The following CORO2B variants were observed in gnomAD, a reference collection of about 807,000 sequenced individuals.
CORO2B encodes the protein coronin-2B.
In CORO2B, 26 loss-of-function variants were observed where a neutral mutation model predicts 58.8. The ratio of observed to expected loss-of-function variants is 0.44; its 90% CI spans 0.32 to 0.61. CORO2B has a LOEUF of 0.61. CORO2B is among the 20% of genes least tolerant of loss of function. The pLI is 0.04. For synonymous variants in CORO2B, 242 were observed against 253.8 expected, an observed-to-expected ratio of 0.95 and a Z score of 0.44; for missense variants, 460 against 645.1, an observed-to-expected ratio of 0.71 and a Z score of 3.11.
intron 2 of CORO2B, among the ~76,000 whole-genome samples, chr15:68,647,868 A>AG (rs1263080418): frequency 6.7e-6 from 1 of 149,728 alleles, no homozygotes; most frequent in Non-Finnish European, 1.5e-5. Flanking sequence ...AAAAAAAAAA[A>AG]AAAGAAAAAA....
chr15:68,538,475 T>G, the CORO2B span, among the ~76,000 whole-genome samples: 1 of 152,202 alleles, frequency 6.6e-6, no homozygotes, highest in Admixed American at 6.5e-5. Context: ...TACCCTGGGC[T>G]GGTGACTGTG....
chr15:68,622,757 A>G (rs1350914991), intron 1 of CORO2B, among the ~76,000 whole-genome samples: 1 of 151,944 alleles, frequency 6.6e-6, no homozygotes, highest in African/African-American at 2.4e-5. Flanking sequence ...GGACCAAGGC[A>G]GACACAGGCT....
intron 2 of CORO2B, among the ~76,000 whole-genome samples, chr15:68,655,137 G>A (rs1422242475): frequency 1.3e-5 from 2 of 152,196 alleles, no homozygotes; most frequent in African/African-American, 4.8e-5. Flanking sequence ...GCCTGCCAGG[G>A]TTTAATGAGG....
chr15:68,578,388 C>G (rs1899328526), upstream of CORO2B, among the ~76,000 whole-genome samples: 1 of 152,238 alleles, frequency 6.6e-6, no homozygotes, highest in Non-Finnish European at 1.5e-5. The surrounding 1 kb of genome is among the most constrained non-coding windows in gnomAD (Gnocchi z 4.2). Context: ...CTCTGATCGT[C>G]AGTTTCCTCC....
chr15:68,548,045 C>T, the CORO2B span, among the ~76,000 whole-genome samples: 2 of 151,998 alleles, frequency 1.3e-5, no homozygotes, highest in African/African-American at 4.8e-5. Context: ...GTGGTGCATG[C>T]CTGTAATCCC....
chr15:68,541,155 A>G, the CORO2B span, among the ~76,000 whole-genome samples: 1 of 151,942 alleles, frequency 6.6e-6, no homozygotes, highest in Non-Finnish European at 1.5e-5. Flanking sequence ...GGGTGGCTTG[A>G]GCCTGAAAGG....
At chr15:68,558,575 G>A in the CORO2B span, among the ~76,000 whole-genome samples, 5 of 152,102 alleles carry the variant, frequency 3.3e-5, no homozygotes, top group Admixed American at 2.0e-4. Flanking sequence ...GAGATCTTAC[G>A]TTGTTGCTCG....
chr15:68,587,419 C>T (rs1366374187), intron 1 of CORO2B, among the ~76,000 whole-genome samples: 1 of 152,188 alleles, frequency 6.6e-6, no homozygotes, highest in African/African-American at 2.4e-5. Context: ...TGCTGGGAAG[C>T]CTCCATGATC....
Position 68,645,494 on chromosome 15 carries a change from T to G in CORO2B, c.216+134T>G. On this transcript the variant is annotated intron_variant, in intron 2 of 11. Coordinates refer to ENST00000261861, the MANE Select transcript of CORO2B (RefSeq NM_006091.5). The surrounding 1 kb of genome is among the most constrained non-coding windows in gnomAD (Gnocchi z 4.5). The stretch of plus-strand genomic sequence containing the variant: ...ACTTCCTCATCAAGCATCTAGTGGC[T>G]ATGCCTTCTTTAGGGTTTTCCTGAG... The G allele has an allele frequency of 1.2e-6, 1 of 800,312 alleles. No homozygotes were observed. Among genetic ancestry groups the G allele is most frequent in the Non-Finnish European group, 1.9e-6 (1 of 516,882 alleles). 49.6% of individuals were successfully genotyped at this position (800,312 alleles called of 1,614,324 possible). A position where few individuals can be genotyped will look rare whatever the true frequency, so the allele number is the denominator to read the frequency against.
At chr15:68,560,556 C>T in the CORO2B span, among the ~76,000 whole-genome samples, 6 of 152,186 alleles carry the variant, frequency 3.9e-5, no homozygotes, top group Non-Finnish European at 8.8e-5. Context: ...GCCTCCGTTT[C>T]CCAAAGTGTT....
chr15:68,623,451 C>T (rs900792206), intron 1 of CORO2B, among the ~76,000 whole-genome samples: 4 of 152,170 alleles, frequency 2.6e-5, no homozygotes, highest in Non-Finnish European at 5.9e-5. Flanking sequence ...GCCAGTCTGG[C>T]CCACCCACAG....
At chr15:68,583,027 TG>T (rs1899468794) in intron 1 of CORO2B, among the ~76,000 whole-genome samples, 1 of 152,184 alleles carries the variant, frequency 6.6e-6, no homozygotes, top group Non-Finnish European at 1.5e-5. Context: ...TGCTCCTCCC[TG>T]CTAAGCAGAT....
the CORO2B span, among the ~76,000 whole-genome samples, chr15:68,560,004 G>A: frequency 7.2e-5 from 11 of 152,356 alleles, no homozygotes; most frequent in South Asian, 1.5e-3. Flanking sequence ...AGACGGCAAT[G>A]CAGATCTGAC....
intron 2 of CORO2B, among the ~76,000 whole-genome samples, chr15:68,648,828 T>G (rs1482907325): frequency 6.6e-6 from 1 of 152,228 alleles, no homozygotes; most frequent in Non-Finnish European, 1.5e-5. Flanking sequence ...ACACTCTTCG[T>G]AAGACGTAAA....
chr15:68,544,779 T>TC, the CORO2B span, among the ~76,000 whole-genome samples: 1 of 151,204 alleles, frequency 6.6e-6, no homozygotes, highest in East Asian at 1.9e-4. Context: ...CACATTCTTT[T>TC]TTTTTTTTTT....
chr15:68,541,742 C>G, the CORO2B span, among the ~76,000 whole-genome samples: 1 of 152,196 alleles, frequency 6.6e-6, no homozygotes, highest in Non-Finnish European at 1.5e-5. Flanking sequence ...TTCCTTCTAA[C>G]CCTTTCGGGT....
At chr15:68,535,765 A>G in the CORO2B span, among the ~76,000 whole-genome samples, 1 of 152,184 alleles carries the variant, frequency 6.6e-6, no homozygotes, top group African/African-American at 2.4e-5. Flanking sequence ...TACAAGCAGT[A>G]TGTAGGATTC....
chr15:68,624,050 G>A (rs1383441420), intron 1 of CORO2B, among the ~76,000 whole-genome samples: 1 of 152,192 alleles, frequency 6.6e-6, no homozygotes, highest in Admixed American at 6.5e-5. Context: ...TTAAAGGACT[G>A]GGGTGGCGGG....
At chr15:68,554,417 TG>T in the CORO2B span, among the ~76,000 whole-genome samples, 1 of 152,154 alleles carries the variant, frequency 6.6e-6, no homozygotes, top group Non-Finnish European at 1.5e-5. Context: ...GAATCCCACC[TG>T]GAGAACCTCC....
Sources: allele counts gnomAD v4.1 joint callset (sites outside exome capture counted in the v4.1 genomes callset), GRCh38; gene constraint gnomAD v4.1.1; non-coding constraint Gnocchi (gnomAD v3.1); transcripts MANE v1.5; gene names NCBI Gene and HGNC (gene_info 2026-07-23, HGNC 2026-07-21).